ENOX1: variants seen among roughly 807,000 people sequenced by gnomAD.
ENOX1 encodes ecto-NOX disulfide-thiol exchanger 1.
ENOX1 carries 42 observed loss-of-function variants against 82.5 expected under a neutral mutation model. That is an observed-to-expected ratio of 0.51 (90% CI 0.40 to 0.66). The LOEUF is 0.66. ENOX1 is among the 30% of genes least tolerant of loss of function. The pLI is 0.00. For synonymous variants in ENOX1, 271 were observed against 282.2 expected (o/e 0.96, Z 0.40); for missense variants, 608 against 811.6 (o/e 0.75, Z 3.05).
Position 43,544,811 on chromosome 13 carries a change from A to G in ENOX1, c.-218-60659T>C, listed in dbSNP as rs576624794. The G allele has an allele frequency of 3.9e-5, 6 of 152,194 alleles. No homozygotes were observed. The South Asian group carries it at 1.0e-3, about 26-fold the overall frequency. 9.4% of individuals were successfully genotyped at this position (152,194 alleles called of 1,614,324 possible). A position where few individuals can be genotyped will look rare whatever the true frequency, so the allele number is the denominator to read the frequency against. On this transcript the variant is annotated intron_variant, in intron 2 of 16. Coordinates refer to ENST00000690772, the MANE Select transcript of ENOX1 (RefSeq NM_001347969.2). Reference sequence around the variant, plus strand: ...TCTCTGCTCTGGGAAGAAGCCAATAATTGAAAGCATCTGCTGGTCAAGACA... The same window carrying G: ...TCTCTGCTCTGGGAAGAAGCCAATAGTTGAAAGCATCTGCTGGTCAAGACA...
At chr13:43,566,999 A>G (rs1395529278) in intron 2 of ENOX1, among the ~76,000 whole-genome samples, 2 of 152,158 alleles carry the variant, frequency 1.3e-5, no homozygotes, top group African/African-American at 4.8e-5. Context: ...GAGCCCTCCC[A>G]GAGGAAGAGA....
At position 43,627,312 on chromosome 13, in the gene ENOX1, G is replaced by GT. The variant is rs954504697; in HGVS notation, c.-219+40166dup. The stretch of plus-strand genomic sequence containing the variant: ...TTAGGGCTTCAGTCTGTTATCTTTT[G>GT]TTTTTTTGTTCTGCTTTTCATCTCT... On this transcript the variant is annotated intron_variant, in intron 2 of 16. Coordinates refer to ENST00000690772, the MANE Select transcript of ENOX1 (RefSeq NM_001347969.2). Among the ~76,000 whole-genome samples, 79 of 151,858 alleles carry GT rather than the reference G, an allele frequency of 5.2e-4. 1 individual carries two copies. The highest frequency in any genetic ancestry group is 1.8e-3 in the African/African-American group (74 of 41,472).
chr13:43,489,837 C>A (rs528376853), intron 2 of ENOX1, among the ~76,000 whole-genome samples: 1 of 152,276 alleles, frequency 6.6e-6, no homozygotes, highest in East Asian at 1.9e-4. Context: ...TTAATGTTTG[C>A]CTTGTTGGGT....
intron 1 of ENOX1, among the ~76,000 whole-genome samples, chr13:43,772,238 C>A (rs1951675665): frequency 6.6e-6 from 1 of 152,084 alleles, no homozygotes; most frequent in Admixed American, 6.6e-5. Flanking sequence ...CAGTCAGACA[C>A]TATTTTGTTC....
At chr13:43,267,916 TG>T (rs949785094) in intron 13 of ENOX1, among the ~76,000 whole-genome samples, 6 of 152,260 alleles carry the variant, frequency 3.9e-5, no homozygotes, top group Admixed American at 2.0e-4. Flanking sequence ...AGGTCTTTAA[TG>T]ATTTTAGCTG....
intron 8 of ENOX1, among the ~76,000 whole-genome samples, chr13:43,347,838 T>G (rs1251136713): frequency 6.6e-6 from 1 of 152,232 alleles, no homozygotes; most frequent in African/African-American, 2.4e-5. Flanking sequence ...GTTTAGAAGC[T>G]AGAATGTGCA....
intron 12 of ENOX1, among the ~76,000 whole-genome samples, chr13:43,277,750 C>G (rs1481281276): frequency 6.6e-6 from 1 of 152,164 alleles, no homozygotes; most frequent in Non-Finnish European, 1.5e-5. Flanking sequence ...AAAATGTTTC[C>G]AGGTTCCCTA....
intron 2 of ENOX1, among the ~76,000 whole-genome samples, chr13:43,629,337 G>C (rs1380393464): frequency 1.3e-5 from 2 of 152,186 alleles, no homozygotes; most frequent in Non-Finnish European, 2.9e-5. Context: ...TTCACTGGGG[G>C]CTTTTTGTCT....
intron 2 of ENOX1, among the ~76,000 whole-genome samples, chr13:43,561,669 A>G (rs1289006013): frequency 6.6e-6 from 1 of 152,120 alleles, no homozygotes; most frequent in African/African-American, 2.4e-5. Context: ...TAACCACAGA[A>G]AAGGGAGGCC....
chr13:43,276,093 T>C (rs1375873170), intron 12 of ENOX1, among the ~76,000 whole-genome samples: 1 of 152,236 alleles, frequency 6.6e-6, no homozygotes, highest in Non-Finnish European at 1.5e-5. Context: ...TAACTGTTGT[T>C]CCATCTCTGT....
chr13:43,484,280 T>C (rs7322290), intron 2 of ENOX1, 128 bp from the exon 3 acceptor site: 300,687 of 418,516 alleles, frequency 0.72, 109,142 homozygotes, highest in East Asian at 0.97. Flanking sequence ...TTTTGTACCC[T>C]AAATCATCTT....
intron 2 of ENOX1, among the ~76,000 whole-genome samples, chr13:43,509,433 C>T (rs1419512437): frequency 6.6e-6 from 1 of 151,988 alleles, no homozygotes; most frequent in East Asian, 1.9e-4. Flanking sequence ...GTCTGTGAGC[C>T]ACATCCTCCA....
At chr13:43,333,562 C>G (rs566708993) in intron 9 of ENOX1, among the ~76,000 whole-genome samples, 2 of 152,174 alleles carry the variant, frequency 1.3e-5, no homozygotes, top group Non-Finnish European at 2.9e-5. Context: ...AAACGGCAAC[C>G]CTGATCTCCT....
Position 43,266,237 on chromosome 13 carries a change from A to G in ENOX1, c.1555-783T>C, listed in dbSNP as rs1021090693. Among the ~76,000 whole-genome samples the G allele has an allele frequency of 3.9e-5, 6 of 152,330 alleles. No individual in the cohort carries two copies. The Middle Eastern group carries it at 0.01, about 259-fold the overall frequency. On this transcript the variant is annotated intron_variant, in intron 13 of 16. Coordinates refer to ENST00000690772, the MANE Select transcript of ENOX1 (RefSeq NM_001347969.2). ...GCCAGTATTTTTTCCTGACTTAGGA[A>G]AGCAGCATCTCCTCCATTATCTTTT...
chr13:43,333,082 C>T (rs1162987918), intron 9 of ENOX1, among the ~76,000 whole-genome samples: 2 of 152,168 alleles, frequency 1.3e-5, no homozygotes, highest in Non-Finnish European at 2.9e-5. Context: ...GGTTTTTTCA[C>T]TTAATATATC....
chr13:43,376,093 G>C (rs954679467), intron 5 of ENOX1, among the ~76,000 whole-genome samples: 6 of 152,094 alleles, frequency 3.9e-5, no homozygotes, highest in African/African-American at 1.4e-4. Flanking sequence ...ATATTAGCTT[G>C]GACATTCATG....
intron 1 of ENOX1, among the ~76,000 whole-genome samples, chr13:43,711,868 G>A (rs2087744541): frequency 6.8e-6 from 1 of 147,550 alleles, no homozygotes; most frequent in Non-Finnish European, 1.5e-5. Flanking sequence ...CCATTTTGTA[G>A]GTTGCCTATT....
chr13:43,427,094 A>C (rs1346085852), intron 3 of ENOX1, among the ~76,000 whole-genome samples: 1 of 152,170 alleles, frequency 6.6e-6, no homozygotes, highest in Non-Finnish European at 1.5e-5. Flanking sequence ...ATCAATATAC[A>C]CTAGAGAGGT....
intron 2 of ENOX1, among the ~76,000 whole-genome samples, chr13:43,541,880 G>A (rs1353882540): frequency 6.6e-6 from 1 of 152,072 alleles, no homozygotes; most frequent in Non-Finnish European, 1.5e-5. Flanking sequence ...AGTTTCTAAT[G>A]GAATCATAAG....
Sources: allele counts gnomAD v4.1 joint callset (sites outside exome capture counted in the v4.1 genomes callset), GRCh38; gene constraint gnomAD v4.1.1; transcripts MANE v1.5; gene names NCBI Gene and HGNC (gene_info 2026-07-23, HGNC 2026-07-21).